The following USP32 variants were observed in gnomAD, a reference collection of about 807,000 sequenced individuals.
USP32 encodes ubiquitin carboxyl-terminal hydrolase 32.
A neutral mutation model predicts 204.8 loss-of-function variants in USP32; 59 were observed. The ratio of observed to expected loss-of-function variants is 0.29; its 90% confidence interval spans 0.23 to 0.36. The LOEUF (loss-of-function observed/expected upper bound fraction) is 0.36. USP32 is among the 10% of genes least tolerant of loss of function. USP32 has a pLI of 1.00. For missense variants in USP32, 1,160 were observed against 1,946.4 expected (o/e 0.60, Z 7.60); for synonymous variants, 517 against 678.4 (o/e 0.76, Z 3.70).
chr17:60,229,259 C>G (rs1005565101), intron 12 of USP32, among the ~76,000 whole-genome samples: 1 of 152,090 alleles, frequency 6.6e-6, no homozygotes, highest in South Asian at 2.1e-4. Context: ...AGACTGGTCT[C>G]AAACTCCTGG....
At chr17:60,196,751 G>C (rs2084529713) in intron 27 of USP32, among the ~76,000 whole-genome samples, 1 of 152,070 alleles carries the variant, frequency 6.6e-6, no homozygotes, top group African/African-American at 2.4e-5. Flanking sequence ...CTTGAACCCA[G>C]GAGGTGGAGG....
chr17:60,279,479 C>CAA (rs1285752901), intron 5 of USP32, among the ~76,000 whole-genome samples: 4 of 111,926 alleles, frequency 3.6e-5, no homozygotes. Context: ...GACTCTGTCT[C>CAA]AAAAAAAAAA....
chr17:60,369,448 C>G (rs2089394969), intron 1 of USP32, among the ~76,000 whole-genome samples: 1 of 144,382 alleles, frequency 6.9e-6, no homozygotes, highest in Non-Finnish European at 1.5e-5. Flanking sequence ...AAAAAAAATC[C>G]TAACTTTTTA....
rs563527909 is a variant in USP32 at position 60,215,496 on chromosome 17, A to C, written c.1868-722T>G. 1.8e-3 allele frequency among the ~76,000 whole-genome samples: 277 copies of C among 152,240 alleles called. 1 individual carries two copies. The Middle Eastern group carries it at 0.02, about 11-fold the overall frequency. On this transcript the variant is annotated intron_variant, in intron 16 of 33. Transcript: ENST00000300896. ...AAATTAGGACAGAGTTAAAAAAAAA[A>C]AAAACTCAGTGGAGGAGGTAAAATG...
chr17:60,255,305 T>C (rs1405744054), intron 9 of USP32, 47 bp from the exon 10 acceptor site: 3 of 1,502,624 alleles, frequency 2.0e-6, no homozygotes, highest in East Asian at 4.6e-5. Flanking sequence ...TTTCTTTTTT[T>C]TTTTTTTTTT....
In USP32 at chr17:60,185,494, T is replaced by G; in HGVS notation, c.3800A>C (p.Lys1267Thr). The G allele has an allele frequency of 6.2e-7, 1 of 1,611,064 alleles. No homozygotes were observed. The highest frequency in any genetic ancestry group is 8.5e-7 in the Non-Finnish European group (1 of 1,179,040). Reference sequence around the variant, plus strand: ...TGGAAGCCTCCAGAGATCCAGCTTCTTTGTTGCTAAGCAGTGGGTCTTACA... The same window carrying G: ...TGGAAGCCTCCAGAGATCCAGCTTCGTTGTTGCTAAGCAGTGGGTCTTACA... The part of the protein sequence containing the change: ...SKCKTHCLAT[K>T]KLDLWRLPPI... The change falls in exon 30 of 34, where the codon AAG (lysine) becomes ACG (threonine). Residue 1267 changes from lysine to threonine, a missense_variant. Transcript: ENST00000300896.
At chr17:60,398,373 C>T (rs906888618) in intron 1 of USP32, among the ~76,000 whole-genome samples, 2 of 151,280 alleles carry the variant, frequency 1.3e-5, no homozygotes, top group Admixed American at 6.6e-5. Context: ...CAAGCCTGGG[C>T]AACAGAGTGA....
chr17:60,355,414 G>C (rs567375673), intron 1 of USP32, among the ~76,000 whole-genome samples: 1 of 152,206 alleles, frequency 6.6e-6, no homozygotes, highest in South Asian at 2.1e-4. Flanking sequence ...AACCTGTAAG[G>C]AGACCGATTG....
At position 60,252,435 on chromosome 17, in the gene USP32, T is replaced by G. The variant is rs916125398; in HGVS notation, c.1082A>C (p.His361Pro). 3.1e-6 allele frequency: 5 copies of G among 1,608,194 alleles called. No individual in the cohort carries two copies. The highest frequency in any genetic ancestry group is 3.4e-5 in the Admixed American group (2 of 58,996). Residue 361 changes from histidine (H) to proline (P), a missense_variant, in exon 11 of 34, where the codon CAC becomes CCC. His to Pro is a moderately conservative substitution (Grantham distance 77). Coordinates refer to ENST00000300896, the MANE Select transcript of USP32 (RefSeq NM_032582.4). ...AGCTGGTCTTAACCCCAGAACTATGTGACACACCTAGGGAAAAAAATGGTA... is the reference window on the plus strand; with the variant it reads ...AGCTGGTCTTAACCCCAGAACTATGGGACACACCTAGGGAAAAAAATGGTA... ...EFLNLLFQVC[H>P]IVLGLRPATP...
In USP32 at chr17:60,177,849, A is replaced by C. The variant is rs1363169584; in HGVS notation, c.*1406T>G. ...CATTGGTAATTACTATCTATGAGGA[A>C]GAAAGGGTAGTGGAATCTGACAATT... On this transcript the variant is annotated 3_prime_UTR_variant, in exon 34 of 34. Coordinates refer to ENST00000300896, the MANE Select transcript of USP32 (RefSeq NM_032582.4). Among the ~76,000 whole-genome samples the C allele has an allele frequency of 6.6e-6, 1 of 152,222 alleles. No homozygotes were observed. The highest frequency in any genetic ancestry group is 1.5e-5 in the Non-Finnish European group (1 of 68,030).
intron 1 of USP32, among the ~76,000 whole-genome samples, chr17:60,364,440 C>T (rs1246978502): frequency 7.2e-5 from 11 of 152,146 alleles, no homozygotes; most frequent in South Asian, 2.1e-4. Context: ...AGTGCGGTGG[C>T]GCGATGTCCA....
At position 60,297,813 on chromosome 17, in the gene USP32, G is replaced by C. The variant is rs73318867; in HGVS notation, c.293-3012C>G. On this transcript the variant is annotated intron_variant, in intron 3 of 33. Coordinates refer to ENST00000300896, the MANE Select transcript of USP32 (RefSeq NM_032582.4). ...CTCTAGCAGTTATTGAATAAGCACTGGCCTTGAGATAAGCAATATTGAAAA... is the reference window on the plus strand; with the variant it reads ...CTCTAGCAGTTATTGAATAAGCACTCGCCTTGAGATAAGCAATATTGAAAA... 3.4e-3 allele frequency among the ~76,000 whole-genome samples: 513 copies of C among 152,198 alleles called. 5 individuals carry two copies. The highest frequency in any genetic ancestry group is 0.011 in the African/African-American group (449 of 41,514).
At chr17:60,386,914 G>A (rs2089741803) in intron 1 of USP32, among the ~76,000 whole-genome samples, 2 of 152,268 alleles carry the variant, frequency 1.3e-5, no homozygotes, top group South Asian at 4.1e-4. Context: ...TAATCACTCA[G>A]GTGACTACAT....
At chr17:60,288,177 TGACTCAA>T (rs2087171566) in intron 5 of USP32, among the ~76,000 whole-genome samples, 1 of 148,910 alleles carries the variant, frequency 6.7e-6, no homozygotes, top group Non-Finnish European at 1.5e-5. Flanking sequence ...ACTGTAATCG[TGACTCAA>T]GACTCAGGAC....
intron 16 of USP32, chr17:60,219,445 C>A: frequency 1.9e-6 from 1 of 525,088 alleles, no homozygotes; most frequent in East Asian, 4.8e-5. Flanking sequence ...CTCATCTAGT[C>A]TTGTGCATGA....
At position 60,307,855 on chromosome 17, in the gene USP32, G is replaced by T. The variant is rs2087762849; in HGVS notation, c.187-6151C>A. On this transcript the variant is annotated intron_variant, in intron 2 of 33. Coordinates refer to ENST00000300896, the MANE Select transcript of USP32 (RefSeq NM_032582.4). ...CCCCAGCAAGCAGAGACATACAATT[G>T]GCTGGACGTTGAGAGGAACATATCA... Among the ~76,000 whole-genome samples the T allele has an allele frequency of 6.6e-5, 10 of 152,218 alleles. No homozygotes were observed. The South Asian group carries it at 2.1e-3, about 32-fold the overall frequency.
At chr17:60,366,748 T>G (rs566371293) in intron 1 of USP32, among the ~76,000 whole-genome samples, 43 of 142,414 alleles carry the variant, frequency 3.0e-4, no homozygotes, top group South Asian at 2.4e-3. Flanking sequence ...AAAAAGTTGG[T>G]TTTTTTTTTT....
chr17:60,264,857 C>CAAAAAAAAAA (rs34027846), intron 9 of USP32, among the ~76,000 whole-genome samples: 13 of 43,510 alleles, frequency 3.0e-4, no homozygotes, highest in African/African-American at 1.1e-3. Context: ...AAGACTCTGT[C>CAAAAAAAAAA]AAAAAAAAAA....
intron 29 of USP32, 73 bp from the exon 30 acceptor site, chr17:60,185,724 AC>A (rs1598030067): frequency 6.6e-7 from 1 of 1,514,876 alleles, no homozygotes; most frequent in East Asian, 2.3e-5. Context: ...GTATGCATCA[AC>A]CTCTTGGTCA....
Sources: gnomAD v4.1 joint callset for allele counts (sites outside exome capture counted in the v4.1 genomes callset) on GRCh38, gnomAD v4.1.1 for gene constraint, MANE v1.5 for transcripts, NCBI Gene and HGNC (gene_info 2026-07-23, HGNC 2026-07-21) for gene names.